Variants in DDAH1 observed in about 807,000 individuals in gnomAD.
DDAH1 encodes N(G),N(G)-dimethylarginine dimethylaminohydrolase 1.
In DDAH1, 19 loss-of-function variants were observed where a neutral mutation model predicts 28.8. That is an observed-to-expected ratio of 0.66 (90% CI 0.46 to 0.97). The LOEUF is 0.97. DDAH1 is among the 50% of genes least tolerant of loss of function. The pLI, the probability that DDAH1 is intolerant of heterozygous loss-of-function variation, is 0.00. For synonymous variants in DDAH1, 153 were observed against 154.4 expected (o/e 0.99, Z 0.07); for missense variants, 326 against 375.9 (o/e 0.87, Z 1.10).
chr1:85,393,658 C>T (rs1651669354), intron 1 of DDAH1, among the ~76,000 whole-genome samples: 1 of 152,152 alleles, frequency 6.6e-6, no homozygotes, highest in African/African-American at 2.4e-5. Flanking sequence ...ACATAACAAA[C>T]CTTAACTGTG....
chr1:85,346,397 G>A (rs1648842956), intron 4 of DDAH1, among the ~76,000 whole-genome samples: 1 of 152,144 alleles, frequency 6.6e-6, no homozygotes, highest in Non-Finnish European at 1.5e-5. Flanking sequence ...GTAAAAAATG[G>A]AAAGTCAGGA....
At chr1:85,577,467 G>C (rs1353387979) in intron 1 of DDAH1, among the ~76,000 whole-genome samples, 1 of 152,134 alleles carries the variant, frequency 6.6e-6, no homozygotes, top group Non-Finnish European at 1.5e-5. Flanking sequence ...TGCAGCCGAG[G>C]ATCTATGAAG....
intron 2 of DDAH1, among the ~76,000 whole-genome samples, chr1:85,355,644 C>T (rs1413002111): frequency 6.6e-6 from 1 of 152,084 alleles, no homozygotes; most frequent in Non-Finnish European, 1.5e-5. Flanking sequence ...AATTCATTTC[C>T]AGGTGTTTAC....
At chr1:85,498,574 AAAC>A (rs1185263690) in intron 1 of DDAH1, among the ~76,000 whole-genome samples, 45 of 152,322 alleles carry the variant, frequency 3.0e-4, no homozygotes, top group Middle Eastern at 3.4e-3. Context: ...GCCCAAAATA[AAAC>A]AACAACATAT....
rs1661217073 is a variant in DDAH1 at position 85,319,076 on chromosome 1, G to A, written c.*2376C>T. The A allele has an allele frequency of 6.6e-6, 1 of 152,176 alleles. No individual in the cohort carries two copies. The highest frequency in any genetic ancestry group is 2.1e-4 in the South Asian group (1 of 4,834). 9.4% of individuals were successfully genotyped at this position (152,176 alleles called of 1,614,324 possible). A position where few individuals can be genotyped will look rare whatever the true frequency, so the allele number is the denominator to read the frequency against. Reference sequence around the variant, plus strand: ...CATTGGTGTATATCACAACAGATGAGGAAAACTTATGTGATAGTATCTTTC... The same window carrying A: ...CATTGGTGTATATCACAACAGATGAAGAAAACTTATGTGATAGTATCTTTC... On this transcript the variant is annotated 3_prime_UTR_variant, in exon 6 of 6. Coordinates refer to ENST00000284031, the MANE Select transcript of DDAH1 (RefSeq NM_012137.4).
rs149654501 is a variant in DDAH1, at chr1:85,351,308, G to A, written c.477+198C>T. ...CCCATGCTAACTTAGTTGTTCTTGTGGTAGCCCAGTGAAGCTGAATTATTG... is the reference window on the plus strand; with the variant it reads ...CCCATGCTAACTTAGTTGTTCTTGTAGTAGCCCAGTGAAGCTGAATTATTG... On this transcript the variant is annotated intron_variant, in intron 3 of 5. Coordinates refer to ENST00000284031, the MANE Select transcript of DDAH1 (RefSeq NM_012137.4). Among the ~76,000 whole-genome samples the A allele has an allele frequency of 9.3e-4, 141 of 152,196 alleles. 3 individuals are homozygous for A. In the East Asian group the frequency reaches 0.018, roughly 19 times the overall value.
At chr1:85,570,845 G>C (rs574469035) in intron 1 of DDAH1, among the ~76,000 whole-genome samples, 4 of 152,160 alleles carry the variant, frequency 2.6e-5, no homozygotes, top group Non-Finnish European at 4.4e-5. Flanking sequence ...ATGTGTAAAG[G>C]GCTGGCTCTA....
At chr1:85,545,727 G>A (rs935568970) in intron 1 of DDAH1, among the ~76,000 whole-genome samples, 5 of 152,016 alleles carry the variant, frequency 3.3e-5, no homozygotes, top group African/African-American at 4.8e-5. Flanking sequence ...AAATTAGTTC[G>A]TTCTAAAGGA....
At chr1:85,399,392 T>C (rs1461853404) in intron 1 of DDAH1, 1 of 152,256 alleles carries the variant, frequency 6.6e-6, no homozygotes, top group Non-Finnish European at 1.5e-5. Flanking sequence ...CCCAGCATGA[T>C]AATAAGAGTA....
chr1:85,407,842 T>C (rs934220148), intron 1 of DDAH1, among the ~76,000 whole-genome samples: 1 of 152,176 alleles, frequency 6.6e-6, no homozygotes, highest in African/African-American at 2.4e-5. Flanking sequence ...TACCAGGACA[T>C]CCTAGCTTAT....
chr1:85,324,543 T>C (rs1250319869), intron 5 of DDAH1, among the ~76,000 whole-genome samples, 197 bp downstream of exon 5: 1 of 152,140 alleles, frequency 6.6e-6, no homozygotes, highest in Admixed American at 6.5e-5. Flanking sequence ...TCAATTACTA[T>C]GCATGCATTA....
At chr1:85,536,042 C>T (rs1658265124) in intron 1 of DDAH1, among the ~76,000 whole-genome samples, 1 of 151,866 alleles carries the variant, frequency 6.6e-6, no homozygotes, top group Non-Finnish European at 1.5e-5. Context: ...GGGCGGATCA[C>T]CTGAGCTCAG....
chr1:85,464,562 GAACA>G lies in DDAH1; in HGVS notation c.303+177_303+180del. ...AAGGCTGCCGGCAGCCGGGAGGTGT[GAACA>G]ATGAACTTCTCTCTGACTCTCTGAC... is the stretch of plus-strand genomic sequence containing the variant. On this transcript the variant is annotated intron_variant, in intron 1 of 5. Coordinates refer to ENST00000284031, the MANE Select transcript of DDAH1 (RefSeq NM_012137.4). The surrounding 1 kb of genome is among the most constrained non-coding windows in gnomAD (Gnocchi z 4.4). The G allele has an allele frequency of 6.5e-7, 1 of 1,529,368 alleles. No individual in the cohort carries two copies. The highest frequency in any genetic ancestry group is 8.7e-7 in the Non-Finnish European group (1 of 1,143,806). 94.7% of individuals were successfully genotyped at this position (1,529,368 alleles called of 1,614,324 possible).
At chr1:85,424,607 A>T (rs1316912914) in intron 1 of DDAH1, among the ~76,000 whole-genome samples, 1 of 152,078 alleles carries the variant, frequency 6.6e-6, no homozygotes, top group Non-Finnish European at 1.5e-5. Context: ...CAAATGTAAA[A>T]ATAGATACCA....
At chr1:85,502,025 A>T (rs1656839002) in intron 1 of DDAH1, among the ~76,000 whole-genome samples, 1 of 152,174 alleles carries the variant, frequency 6.6e-6, no homozygotes, top group South Asian at 2.1e-4. Flanking sequence ...TTAAAATCCA[A>T]ACTTTCTCCA....
At chr1:85,569,955 T>C (rs1659405274) in intron 1 of DDAH1, among the ~76,000 whole-genome samples, 1 of 152,198 alleles carries the variant, frequency 6.6e-6, no homozygotes. Flanking sequence ...CTTTCTCTAT[T>C]CACCACAGAA....
chr1:85,357,441 A>C (rs1649548844), intron 2 of DDAH1, among the ~76,000 whole-genome samples: 1 of 152,248 alleles, frequency 6.6e-6, no homozygotes, highest in African/African-American at 2.4e-5. Context: ...AGAACTGCTT[A>C]AATGTCACAG....
intron 1 of DDAH1, among the ~76,000 whole-genome samples, chr1:85,536,948 CATATATATATATATAT>C (rs202209648): frequency 8.9e-4 from 82 of 91,842 alleles, no homozygotes; most frequent in African/African-American, 2.7e-3. Context: ...GAAAATGTGG[CATATATATATATATAT>C]ATATATATAT....
chr1:85,477,478 G>C (rs1042289683), intron 2 of DDAH1, among the ~76,000 whole-genome samples: 1 of 152,124 alleles, frequency 6.6e-6, no homozygotes, highest in East Asian at 1.9e-4. Context: ...AAAACCACCC[G>C]AAGAAAACAT....
Sources: gnomAD v4.1 joint callset for allele counts (sites outside exome capture counted in the v4.1 genomes callset) on GRCh38, gnomAD v4.1.1 for gene constraint, Gnocchi (gnomAD v3.1) non-coding constraint, MANE v1.5 for transcripts, NCBI Gene and HGNC (gene_info 2026-07-23, HGNC 2026-07-21) for gene names.